The following RUFY3 variants were observed in gnomAD, a reference collection of about 807,000 sequenced individuals.
RUFY3 encodes protein RUFY3.
In RUFY3, 34 loss-of-function variants were observed where a neutral mutation model predicts 84.0. That is an observed-to-expected ratio of 0.40 (90% CI 0.31 to 0.54). The LOEUF (loss-of-function observed/expected upper bound fraction) is 0.54. Ranked by LOEUF, RUFY3 falls within the 20% of genes least tolerant of loss-of-function variation. RUFY3 has a pLI of 0.39. For missense variants in RUFY3, 507 were observed against 736.8 expected (o/e 0.69, Z 3.61); for synonymous variants, 242 against 252.9 (o/e 0.96, Z 0.41).
chr4:70,720,404 G>A (rs890468297), upstream of RUFY3, among the ~76,000 whole-genome samples: 6 of 151,970 alleles, frequency 3.9e-5, no homozygotes, highest in East Asian at 7.7e-4. Flanking sequence ...GGCTGGTCTC[G>A]AACTCCTGAC....
chr4:70,717,189 G>C (rs1002221077), upstream of RUFY3, among the ~76,000 whole-genome samples: 1 of 152,098 alleles, frequency 6.6e-6, no homozygotes, highest in African/African-American at 2.4e-5. Context: ...TTTTTAAAAA[G>C]CGTACAATGC....
intron 1 of RUFY3, among the ~76,000 whole-genome samples, chr4:70,708,077 T>C (rs1740539022): frequency 6.6e-6 from 1 of 152,240 alleles, no homozygotes; most frequent in African/African-American, 2.4e-5. Flanking sequence ...AAGCTGTGAC[T>C]GCACCATTGC....
At chr4:70,716,288 G>A (rs1741602519) in intron 1 of RUFY3, among the ~76,000 whole-genome samples, 2 of 151,882 alleles carry the variant, frequency 1.3e-5, no homozygotes, top group Admixed American at 1.3e-4. Flanking sequence ...TGGGATTACA[G>A]GCACGTACCA....
intron 11 of RUFY3, 133 bp from the exon 12 acceptor site, chr4:70,789,362 A>T: frequency 1.1e-6 from 1 of 918,588 alleles, no homozygotes; most frequent in Non-Finnish European, 1.6e-6. Context: ...TTTTTTTTCC[A>T]TTTCAGGATT....
intron 1 of RUFY3, among the ~76,000 whole-genome samples, chr4:70,754,877 T>G (rs1350284566): frequency 1.3e-5 from 2 of 152,032 alleles, no homozygotes; most frequent in East Asian, 1.9e-4. Context: ...TAGTTTGTTG[T>G]TTTTAATCTC....
intron 12 of RUFY3, 150 bp downstream of exon 12, chr4:70,789,742 G>C (rs575548336): frequency 7.6e-7 from 1 of 1,320,550 alleles, no homozygotes; most frequent in East Asian, 3.2e-5. Flanking sequence ...TGAATGTTAT[G>C]TGTGTTTTCT....
At chr4:70,707,434 C>T (rs1298500734) in intron 1 of RUFY3, among the ~76,000 whole-genome samples, 2 of 152,054 alleles carry the variant, frequency 1.3e-5, no homozygotes, top group African/African-American at 4.8e-5. Flanking sequence ...TTAGTAGAGA[C>T]GAGGTTTCAC....
intron 5 of RUFY3, among the ~76,000 whole-genome samples, chr4:70,771,289 G>T (rs1337393438): frequency 6.6e-6 from 1 of 151,998 alleles, no homozygotes; most frequent in Non-Finnish European, 1.5e-5. Flanking sequence ...GAAGCAAAGT[G>T]CAATAAAATG....
intron 6 of RUFY3, among the ~76,000 whole-genome samples, chr4:70,774,644 A>ATATAT (rs1305120705): frequency 1.8e-5 from 1 of 56,678 alleles, no homozygotes; most frequent in Non-Finnish European, 3.1e-5. Context: ...AAAAAAAAAA[A>ATATAT]ATATATATAT....
At chr4:70,794,751 T>G in intron 13 of RUFY3, 44 bp from the exon 14 acceptor site, 1 of 1,292,454 alleles carries the variant, frequency 7.7e-7, no homozygotes, top group Non-Finnish European at 1.1e-6. Flanking sequence ...TATGTCTGTA[T>G]AGAATTCCAA....
At chr4:70,780,254 C>T (rs2148764687) in intron 8 of RUFY3, among the ~76,000 whole-genome samples, 1 of 152,138 alleles carries the variant, frequency 6.6e-6, no homozygotes, top group South Asian at 2.1e-4. Context: ...CTGGCTCTGG[C>T]ACTTGCTAGT....
At chr4:70,740,242 T>A (rs750868059) in intron 1 of RUFY3, among the ~76,000 whole-genome samples, 4 of 152,172 alleles carry the variant, frequency 2.6e-5, no homozygotes, top group Non-Finnish European at 4.4e-5. Context: ...GACAGACCTT[T>A]TAGTTTCTGG....
Position 70,762,655 on chromosome 4 carries a change from T to C in RUFY3, c.315T>C (p.Phe105=), listed in dbSNP as rs769210985. 1.2e-6 allele frequency: 2 copies of C among 1,613,802 alleles called. No homozygotes were observed. The highest frequency in any genetic ancestry group is 2.2e-5 in the East Asian group (1 of 44,882). The change falls in exon 2 of 18, where the codon TTT becomes TTC. Residue 105 remains phenylalanine (F), a synonymous_variant. Transcript: ENST00000381006. ...DSDYAPLQQF[F]VVMEHCLKHG... is the part of the protein sequence containing the mutation. ...ACTATGCACCTCTCCAGCAATTCTT[T>C]GTGGTGATGGAGCACTGTCTGAAAC...
At chr4:70,765,861 C>G (rs930824670) in intron 4 of RUFY3, among the ~76,000 whole-genome samples, 3 of 151,412 alleles carry the variant, frequency 2.0e-5, no homozygotes, top group Non-Finnish European at 4.4e-5. Context: ...CTCCCGGGTT[C>G]AAGCGATTCT....
intron 12 of RUFY3, chr4:70,792,502 A>C (rs1730980650): frequency 1.0e-6 from 1 of 984,958 alleles, no homozygotes; most frequent in Non-Finnish European, 1.2e-6. Context: ...TCCTATAAAC[A>C]GTTTGATTTT....
chr4:70,780,917 C>T (rs1728813647), intron 8 of RUFY3, among the ~76,000 whole-genome samples: 1 of 152,032 alleles, frequency 6.6e-6, no homozygotes, highest in South Asian at 2.1e-4. Context: ...AGACGAGGCT[C>T]ATTAGTTCTG....
intron 4 of RUFY3, among the ~76,000 whole-genome samples, chr4:70,765,209 G>GTGTGTATATATATATATACATATATATA (rs144995233): frequency 5.1e-5 from 7 of 137,214 alleles, no homozygotes; most frequent in East Asian, 2.2e-4. Context: ...AAAAAAATGT[G>GTGTGTATATATATATATACATATATATA]TATATATATA....
chr4:70,760,760 C>G (rs1724897039), intron 1 of RUFY3, among the ~76,000 whole-genome samples: 1 of 151,996 alleles, frequency 6.6e-6, no homozygotes, highest in South Asian at 2.1e-4. Flanking sequence ...AAACTATGGC[C>G]CTAAAACATT....
intron 1 of RUFY3, among the ~76,000 whole-genome samples, chr4:70,737,549 G>C (rs1720524933): frequency 6.6e-6 from 1 of 152,042 alleles, no homozygotes; most frequent in Non-Finnish European, 1.5e-5. Flanking sequence ...GGGTCTACTG[G>C]TCAGGGCTTT....
Sources: gnomAD v4.1 joint callset for allele counts (sites outside exome capture counted in the v4.1 genomes callset) on GRCh38, gnomAD v4.1.1 for gene constraint, MANE v1.5 for transcripts, NCBI Gene and HGNC (gene_info 2026-07-23, HGNC 2026-07-21) for gene names.